Variants in PAK5 observed in about 807,000 individuals in gnomAD.
PAK5 encodes p21 (RAC1) activated kinase 5.
Under a neutral mutation model 65.9 loss-of-function variants are expected in PAK5, and 16 were observed. The ratio of observed to expected loss-of-function variants is 0.24; its 90% confidence interval spans 0.16 to 0.37. PAK5 has a LOEUF of 0.37. PAK5 is among the 10% of genes least tolerant of loss of function. The pLI, the probability that PAK5 is intolerant of heterozygous loss-of-function variation, is 1.00. For synonymous variants in PAK5, 371 were observed against 354.9 expected, an observed-to-expected ratio of 1.05 and a Z score of -0.51; for missense variants, 785 against 903.9, an observed-to-expected ratio of 0.87 and a Z score of 1.69.
intron 2 of PAK5, among the ~76,000 whole-genome samples, chr20:9,697,078 T>C (rs1429712000): frequency 1.3e-5 from 2 of 152,082 alleles, no homozygotes; most frequent in African/African-American, 2.4e-5. Flanking sequence ...ACCTGAATCA[T>C]CCATTTTCTG....
At chr20:9,568,321 G>A (rs2045717956) in intron 4 of PAK5, among the ~76,000 whole-genome samples, 4 of 152,160 alleles carry the variant, frequency 2.6e-5, no homozygotes, top group Admixed American at 2.6e-4. Context: ...GTGAAATCTA[G>A]GGCAGGATTT....
intron 1 of PAK5, among the ~76,000 whole-genome samples, chr20:9,793,493 T>G (rs1223046800): frequency 1.3e-5 from 2 of 152,040 alleles, no homozygotes; most frequent in Non-Finnish European, 2.9e-5. Context: ...AGAATTCATA[T>G]CCTTTGCCCA....
chr20:9,636,131 T>A (rs2046980697), intron 3 of PAK5, among the ~76,000 whole-genome samples: 1 of 152,188 alleles, frequency 6.6e-6, no homozygotes, highest in South Asian at 2.1e-4. Flanking sequence ...CTAGAAAATG[T>A]CAGATAGTTG....
intron 2 of PAK5, among the ~76,000 whole-genome samples, chr20:9,693,119 A>G (rs549430702): frequency 2.6e-4 from 40 of 152,200 alleles, no homozygotes; most frequent in African/African-American, 9.6e-4. Flanking sequence ...AAGAATGGCA[A>G]CTTTCCTGGT....
chr20:9,730,013 A>AG (rs1296203228), intron 1 of PAK5, among the ~76,000 whole-genome samples: 7 of 131,364 alleles, frequency 5.3e-5, no homozygotes, highest in Non-Finnish European at 9.2e-5. Flanking sequence ...AAAAAAAAAA[A>AG]AGAGAGAGAG....
intron 1 of PAK5, among the ~76,000 whole-genome samples, chr20:9,824,543 G>A (rs2049462079): frequency 1.3e-5 from 2 of 152,296 alleles, no homozygotes; most frequent in South Asian, 4.2e-4. Context: ...GTCTTTGCAG[G>A]AGACAAATCA....
chr20:9,627,794 T>G (rs2046867049), intron 3 of PAK5, among the ~76,000 whole-genome samples: 2 of 152,058 alleles, frequency 1.3e-5, no homozygotes, highest in Admixed American at 6.6e-5. Flanking sequence ...ACCAGGCTAA[T>G]TTTTGTAAAT....
At chr20:9,618,949 T>TTA (rs1569002808) in intron 3 of PAK5, among the ~76,000 whole-genome samples, 1 of 119,122 alleles carries the variant, frequency 8.4e-6, no homozygotes, top group Non-Finnish European at 1.8e-5. Flanking sequence ...TTTTTTTTTT[T>TTA]AATCTCACTG....
chr20:9,703,778 C>T (rs1246220703), intron 2 of PAK5, among the ~76,000 whole-genome samples: 1 of 152,162 alleles, frequency 6.6e-6, no homozygotes, highest in East Asian at 1.9e-4. Context: ...AGGTCCACTC[C>T]CGGGTGGGTT....
chr20:9,644,409 G>A (rs2047107014), intron 2 of PAK5, 70 bp from the exon 3 acceptor site: 12 of 971,204 alleles, frequency 1.2e-5, no homozygotes, highest in Non-Finnish European at 1.8e-5. Context: ...GAAAGCTATT[G>A]TTAATTCACT....
At chr20:9,629,148 C>A (rs530424591) in intron 3 of PAK5, among the ~76,000 whole-genome samples, 118 of 152,276 alleles carry the variant, frequency 7.7e-4, no homozygotes, top group African/African-American at 2.8e-3. Flanking sequence ...GAATGTAGCC[C>A]AGCTGACACC....
intron 4 of PAK5, among the ~76,000 whole-genome samples, chr20:9,574,181 T>C (rs1459347137): frequency 2.0e-5 from 3 of 152,174 alleles, no homozygotes; most frequent in South Asian, 2.1e-4. Flanking sequence ...ATGGGACTCA[T>C]TGAACCCTAT....
chr20:9,721,524 G>A (rs146970534), intron 1 of PAK5, among the ~76,000 whole-genome samples: 4 of 151,536 alleles, frequency 2.6e-5, no homozygotes, highest in African/African-American at 7.3e-5. Context: ...ATGGTGGCTC[G>A]CACCTGTAAT....
At chr20:9,792,072 C>T (rs1179928649) in intron 1 of PAK5, among the ~76,000 whole-genome samples, 1 of 152,164 alleles carries the variant, frequency 6.6e-6, no homozygotes, top group African/African-American at 2.4e-5. Flanking sequence ...ACTGTAAGCA[C>T]CTTGAGGGGT....
chr20:9,540,148 T>A (rs1401993260), intron 9 of PAK5, among the ~76,000 whole-genome samples: 1 of 152,218 alleles, frequency 6.6e-6, no homozygotes, highest in Non-Finnish European at 1.5e-5. Context: ...GGTCTCACTA[T>A]GTTGCCCAGG....
intron 3 of PAK5, among the ~76,000 whole-genome samples, chr20:9,591,701 T>C (rs2046174185): frequency 6.6e-6 from 1 of 150,438 alleles, no homozygotes; most frequent in South Asian, 2.1e-4. Flanking sequence ...GATTAAATTA[T>C]GCTCTAAATA....
chr20:9,645,435 T>A (rs1482491538), intron 2 of PAK5, among the ~76,000 whole-genome samples: 4 of 152,218 alleles, frequency 2.6e-5, no homozygotes, highest in Non-Finnish European at 5.9e-5. Flanking sequence ...CTGCATCTAC[T>A]CATCTGTGAA....
chr20:9,686,228 C>T (rs982323795), intron 2 of PAK5, among the ~76,000 whole-genome samples: 1 of 152,122 alleles, frequency 6.6e-6, no homozygotes, highest in African/African-American at 2.4e-5. Context: ...ATCTGCCCTT[C>T]TCTGTGCCTC....
intron 2 of PAK5, among the ~76,000 whole-genome samples, chr20:9,682,666 T>C (rs946130635): frequency 1.3e-5 from 2 of 152,212 alleles, no homozygotes; most frequent in African/African-American, 2.4e-5. Context: ...CATATTGAGG[T>C]GAACCCCACA....
Sources: allele counts gnomAD v4.1 joint callset (sites outside exome capture counted in the v4.1 genomes callset), GRCh38; gene constraint gnomAD v4.1.1; transcripts MANE v1.5; gene names NCBI Gene and HGNC (gene_info 2026-07-23, HGNC 2026-07-21).